Variants in CHSY1 observed in about 807,000 individuals in gnomAD.
CHSY1 encodes N-acetylgalactosaminyl-proteoglycan 3-beta-glucuronosyltransferase 1.
In CHSY1, 13 loss-of-function variants were observed where a neutral mutation model predicts 59.8. The ratio of observed to expected loss-of-function variants is 0.22; its 90% CI spans 0.14 to 0.35. The LOEUF is 0.35. Ranked by LOEUF, CHSY1 falls within the 10% of genes least tolerant of loss-of-function variation. The pLI, the probability that CHSY1 is intolerant of heterozygous loss-of-function variation, is 1.00. For missense variants in CHSY1, 947 were observed against 1,030.6 expected (o/e 0.92, Z 1.11); for synonymous variants, 459 against 401.2 (o/e 1.14, Z -1.72).
At chr15:101,244,825 G>A (rs1364175459) in intron 1 of CHSY1, among the ~76,000 whole-genome samples, 1 of 152,192 alleles carries the variant, frequency 6.6e-6, no homozygotes, top group Non-Finnish European at 1.5e-5. Context: ...CAGTATGGAT[G>A]AATCAGTTAA....
rs148887443 is a variant in CHSY1, at chr15:101,246,571, CAT to C, written c.320+4564_320+4565del. Among the ~76,000 whole-genome samples the C allele has an allele frequency of 4.1e-3, 626 of 152,270 alleles. 4 individuals are homozygous for C. The highest frequency in any genetic ancestry group is 0.013 in the African/African-American group (560 of 41,544). On this transcript the variant is annotated intron_variant, in intron 1 of 2. Transcript: ENST00000254190. ...AGACAGAAAGTTCAACGGAACAAAA[CAT>C]GAAGTCCAGAAACATACCCAAGAAT...
chr15:101,188,169 T>G (rs1414424359), intron 2 of CHSY1: 1 of 985,326 alleles, frequency 1.0e-6, no homozygotes, highest in Admixed American at 6.1e-5. Flanking sequence ...CATTCGGACT[T>G]AGGCAGCGTT....
In CHSY1 at chr15:101,235,315, A is replaced by G. The variant is rs1348056360; in HGVS notation, c.583T>C (p.Phe195Leu). The part of the protein sequence containing the change: ...LRSLNSSEPL[F>L]LGQTGLGTTE... Reference sequence around the variant, plus strand: ...GTGCCCAGGCCTGTCTGCCCAAGAAAGAGGGGCTCGCTGCTGTTCAAACTC... The same window carrying G: ...GTGCCCAGGCCTGTCTGCCCAAGAAGGAGGGGCTCGCTGCTGTTCAAACTC... Residue 195 changes from phenylalanine to leucine, a missense_variant, in exon 2 of 3, where the codon TTT (phenylalanine) becomes CTT (leucine). This residue lies in a region of CHSY1 where 108 missense variants were observed against 144.4 expected (regional missense o/e 0.75). Coordinates refer to ENST00000254190, the MANE Select transcript of CHSY1 (RefSeq NM_014918.5). 1 of 1,614,098 alleles carries G rather than the reference A, an allele frequency of 6.2e-7. No homozygotes were observed. Among genetic ancestry groups the G allele is most frequent in the Non-Finnish European group, 8.5e-7 (1 of 1,180,042 alleles).
chr15:101,210,116 T>C lies in CHSY1; in HGVS notation c.816+24966A>G, dbSNP rs539061173. On this transcript the variant is annotated intron_variant, in intron 2 of 2. Transcript: ENST00000254190. ...AAGCATGGAAAAGAAAAAAACAAAG[T>C]TCAAAAACAAGATCTGTAACCTTGG... 9.8e-5 allele frequency among the ~76,000 whole-genome samples: 15 copies of C among 152,356 alleles called. No individual in the cohort carries two copies. The South Asian group carries it at 3.1e-3, about 32-fold the overall frequency.
rs1019769986 is a variant in CHSY1 at position 101,208,934 on chromosome 15, A to C, written c.816+26148T>G. ...TCAACTAATAAAAGTAGAAAGAATA[A>C]CTGGATTAGAAAATCACCATTTAGC... On this transcript the variant is annotated intron_variant, in intron 2 of 2. Transcript: ENST00000254190. 2.6e-5 allele frequency among the ~76,000 whole-genome samples: 4 copies of C among 152,216 alleles called. No individual in the cohort carries two copies. The East Asian group carries it at 7.7e-4, about 29-fold the overall frequency.
intron 2 of CHSY1, among the ~76,000 whole-genome samples, chr15:101,226,962 G>C (rs12441054): frequency 2.6e-5 from 4 of 152,138 alleles, no homozygotes; most frequent in Admixed American, 2.0e-4. Context: ...CAGTGAAAAT[G>C]GCAGAGTGAA....
At chr15:101,179,681 G>A (rs575205042) in intron 2 of CHSY1, among the ~76,000 whole-genome samples, 1 of 152,312 alleles carries the variant, frequency 6.6e-6, no homozygotes, top group African/African-American at 2.4e-5. Flanking sequence ...CTCAGCACGG[G>A]GTCTCCGGCA....
chr15:101,239,784 G>C (rs535176723), intron 1 of CHSY1, among the ~76,000 whole-genome samples: 2 of 152,290 alleles, frequency 1.3e-5, no homozygotes, highest in South Asian at 4.2e-4. Flanking sequence ...TTACAGGAAA[G>C]AGGCCTAACT....
intron 2 of CHSY1, among the ~76,000 whole-genome samples, chr15:101,229,637 T>C (rs1459488161): frequency 6.6e-6 from 1 of 152,212 alleles, no homozygotes; most frequent in African/African-American, 2.4e-5. Flanking sequence ...CTAGGTACAG[T>C]GGCTCACACT....
At chr15:101,250,139 G>C (rs1051844344) in intron 1 of CHSY1, among the ~76,000 whole-genome samples, 1 of 152,208 alleles carries the variant, frequency 6.6e-6, no homozygotes, top group African/African-American at 2.4e-5. Context: ...GCTTAGCCTG[G>C]CTCAGCACTG....
intron 2 of CHSY1, among the ~76,000 whole-genome samples, chr15:101,210,454 A>T (rs1195864435): frequency 6.6e-6 from 1 of 152,250 alleles, no homozygotes; most frequent in Non-Finnish European, 1.5e-5. Flanking sequence ...AATGCTTTGA[A>T]TCTCAAATCC....
intron 2 of CHSY1, among the ~76,000 whole-genome samples, chr15:101,197,475 G>T (rs2038521086): frequency 6.6e-6 from 1 of 152,174 alleles, no homozygotes; most frequent in Admixed American, 6.6e-5. Flanking sequence ...CATCTGGACT[G>T]ATCTGCTGGT....
intron 2 of CHSY1, among the ~76,000 whole-genome samples, chr15:101,211,450 T>C (rs769490869): frequency 2.0e-5 from 3 of 151,940 alleles, no homozygotes; most frequent in Non-Finnish European, 2.9e-5. Context: ...ATACTGAAAA[T>C]AACATAAAAC....
At chr15:101,242,407 G>A (rs560783568) in intron 1 of CHSY1, 1 of 152,364 alleles carries the variant, frequency 6.6e-6, no homozygotes, top group African/African-American at 2.4e-5. Flanking sequence ...GCTAGTGGTG[G>A]GCCCAAATTC....
chr15:101,222,619 C>A (rs941090526), intron 2 of CHSY1, among the ~76,000 whole-genome samples: 8 of 152,192 alleles, frequency 5.3e-5, no homozygotes, highest in Non-Finnish European at 1.0e-4. Flanking sequence ...GACAGTTTCC[C>A]GGTCTTTCCT....
intron 2 of CHSY1, among the ~76,000 whole-genome samples, chr15:101,209,095 G>A (rs945205076): frequency 6.6e-6 from 1 of 152,160 alleles, no homozygotes; most frequent in Admixed American, 6.5e-5. Flanking sequence ...AAGACAGAGA[G>A]TAACTTTACA....
intron 2 of CHSY1, among the ~76,000 whole-genome samples, chr15:101,182,408 G>T (rs2038292565): frequency 6.6e-6 from 1 of 152,188 alleles, no homozygotes; most frequent in Non-Finnish European, 1.5e-5. Flanking sequence ...GTGGCAACAG[G>T]AGGCAGCTAT....
At chr15:101,200,179 A>G (rs1303310807) in intron 2 of CHSY1, among the ~76,000 whole-genome samples, 2 of 152,220 alleles carry the variant, frequency 1.3e-5, no homozygotes, top group East Asian at 1.9e-4. Flanking sequence ...TGCTGTCACC[A>G]TATGTTGTCA....
chr15:101,215,081 T>C (rs148705519), intron 2 of CHSY1, among the ~76,000 whole-genome samples: 5 of 152,298 alleles, frequency 3.3e-5, no homozygotes, highest in African/African-American at 1.2e-4. Flanking sequence ...GATTGTAAGT[T>C]TCCTGAGTCT....
Sources: allele counts gnomAD v4.1 joint callset (sites outside exome capture counted in the v4.1 genomes callset), GRCh38; gene constraint gnomAD v4.1.1; regional missense constraint gnomAD v4.1.1; transcripts MANE v1.5; gene names NCBI Gene and HGNC (gene_info 2026-07-23, HGNC 2026-07-21).